KCNH5: variants seen among roughly 807,000 people sequenced by gnomAD.
The protein encoded by KCNH5 is voltage-gated delayed rectifier potassium channel KCNH5.
KCNH5 carries 46 observed loss-of-function variants against 96.1 expected under a neutral mutation model. The ratio of observed to expected loss-of-function variants is 0.48; its 90% CI spans 0.38 to 0.61. KCNH5 has a LOEUF of 0.61. Ranked by LOEUF, KCNH5 falls within the 20% of genes least tolerant of loss-of-function variation. The pLI is 0.00. For missense variants in KCNH5, 907 were observed against 1,225.8 expected (o/e 0.74, Z 3.88); for synonymous variants, 439 against 449.8 (o/e 0.98, Z 0.30).
intron 8 of KCNH5, among the ~76,000 whole-genome samples, chr14:62,803,246 C>T (rs1206919314): frequency 6.6e-6 from 1 of 152,144 alleles, no homozygotes; most frequent in African/African-American, 2.4e-5. Context: ...AGGGCATGAA[C>T]ATTCATTTTA....
At chr14:62,799,947 G>GAGA in intron 9 of KCNH5, among the ~76,000 whole-genome samples, 1 of 148,602 alleles carries the variant, frequency 6.7e-6, no homozygotes, top group East Asian at 2.0e-4. Flanking sequence ...TATCAAAAAT[G>GAGA]AGAAGAAGAA....
At chr14:63,027,737 G>T (rs1003840055) in intron 1 of KCNH5, among the ~76,000 whole-genome samples, 1 of 151,934 alleles carries the variant, frequency 6.6e-6, no homozygotes, top group South Asian at 2.1e-4. Flanking sequence ...TTGGTTGAAT[G>T]AATTGCTAGT....
Position 62,711,399 on chromosome 14 carries a change from G to A in KCNH5, c.2020-2944C>T, listed in dbSNP as rs79211184. On this transcript the variant is annotated intron_variant, in intron 10 of 10. Transcript: ENST00000322893. Reference sequence around the variant, plus strand: ...AGAGCTGGATCTGTATTTTGCTGTCGAGAAATGTAAAAGTAACTGGGAAAG... The same window carrying A: ...AGAGCTGGATCTGTATTTTGCTGTCAAGAAATGTAAAAGTAACTGGGAAAG... Among the ~76,000 whole-genome samples the A allele has an allele frequency of 4.6e-5, 7 of 152,236 alleles. No individual in the cohort carries two copies. In the South Asian group the frequency reaches 1.2e-3, roughly 27 times the overall value.
chr14:62,899,155 A>G (rs1319021971), intron 7 of KCNH5, among the ~76,000 whole-genome samples: 1 of 152,180 alleles, frequency 6.6e-6, no homozygotes, highest in Non-Finnish European at 1.5e-5. Flanking sequence ...ATGTTAACAA[A>G]AAGCACATCA....
chr14:62,787,587 C>T (rs1234948441), intron 9 of KCNH5, among the ~76,000 whole-genome samples: 1 of 151,802 alleles, frequency 6.6e-6, no homozygotes, highest in Non-Finnish European at 1.5e-5. Context: ...AAAGAAGATG[C>T]CATCTGGGAC....
intron 9 of KCNH5, among the ~76,000 whole-genome samples, chr14:62,784,255 C>A (rs1179237679): frequency 6.6e-6 from 1 of 152,184 alleles, no homozygotes; most frequent in African/African-American, 2.4e-5. Context: ...ACCATGAGAA[C>A]AGTATGGGGG....
chr14:62,820,013 G>C (rs553887375), intron 8 of KCNH5, among the ~76,000 whole-genome samples: 2 of 152,250 alleles, frequency 1.3e-5, no homozygotes, highest in South Asian at 4.1e-4. Context: ...TACTATATGG[G>C]GGACATGTAT....
At chr14:62,763,387 CA>C (rs1201609705) in intron 10 of KCNH5, among the ~76,000 whole-genome samples, 1 of 151,466 alleles carries the variant, frequency 6.6e-6, no homozygotes, top group Non-Finnish European at 1.5e-5. Flanking sequence ...ACGCCTAAGG[CA>C]GTGTTAAAAG....
chr14:62,740,296 G>A (rs898057487), intron 10 of KCNH5, among the ~76,000 whole-genome samples: 15 of 152,012 alleles, frequency 9.9e-5, no homozygotes, highest in Non-Finnish European at 1.3e-4. Context: ...TCATCTTTTC[G>A]GTGTCCATCT....
chr14:62,767,793 C>T (rs1333838357), intron 10 of KCNH5, among the ~76,000 whole-genome samples: 1 of 152,116 alleles, frequency 6.6e-6, no homozygotes, highest in African/African-American at 2.4e-5. Flanking sequence ...CAAACCTGTA[C>T]ATGTACCCCC....
chr14:62,730,929 A>G (rs1001400345), intron 10 of KCNH5, among the ~76,000 whole-genome samples: 3 of 152,180 alleles, frequency 2.0e-5, no homozygotes, highest in East Asian at 1.9e-4. Context: ...TAACAAGACT[A>G]TTTTCCACTG....
At chr14:62,748,984 T>C (rs1885439721) in intron 10 of KCNH5, among the ~76,000 whole-genome samples, 1 of 152,194 alleles carries the variant, frequency 6.6e-6, no homozygotes, top group African/African-American at 2.4e-5. Context: ...AGCGTATCAA[T>C]GGCAGAAATA....
chr14:62,954,241 C>A (rs1032194640), intron 6 of KCNH5, among the ~76,000 whole-genome samples: 1 of 152,216 alleles, frequency 6.6e-6, no homozygotes, highest in Non-Finnish European at 1.5e-5. Flanking sequence ...GACATCATCT[C>A]CCTGCCTCTG....
intron 7 of KCNH5, among the ~76,000 whole-genome samples, chr14:62,868,375 ATAAGT>A (rs1888177700): frequency 6.6e-6 from 1 of 152,244 alleles, no homozygotes; most frequent in South Asian, 2.1e-4. Context: ...CAAGTAGGTA[ATAAGT>A]TAGGTAACAA....
At chr14:62,811,467 G>C (rs1886871673) in intron 8 of KCNH5, among the ~76,000 whole-genome samples, 1 of 152,038 alleles carries the variant, frequency 6.6e-6, no homozygotes, top group African/African-American at 2.4e-5. Flanking sequence ...TTACTGGCAT[G>C]TCCCATCTTC....
At chr14:62,769,568 C>T (rs1885942283) in intron 10 of KCNH5, among the ~76,000 whole-genome samples, 1 of 152,184 alleles carries the variant, frequency 6.6e-6, no homozygotes, top group Non-Finnish European at 1.5e-5. Flanking sequence ...CAGGACTGTG[C>T]AGAATTTGCA....
Position 62,972,156 on chromosome 14 carries a change from A to T in KCNH5, c.942+8716T>A, listed in dbSNP as rs573042717. The stretch of plus-strand genomic sequence containing the variant: ...AAAAAGAACTCTTAAAACAACAATT[A>T]AAAAAATGCACAAAAGATCTGAACA... On this transcript the variant is annotated intron_variant, in intron 6 of 10. Transcript: ENST00000322893. Among the ~76,000 whole-genome samples the T allele has an allele frequency of 3.4e-4, 51 of 152,036 alleles. 1 individual carries two copies. Among genetic ancestry groups the T allele is most frequent in the Admixed American group, 1.9e-3 (29 of 15,288 alleles).
At chr14:62,787,297 C>T (rs1886338784) in intron 9 of KCNH5, among the ~76,000 whole-genome samples, 1 of 152,214 alleles carries the variant, frequency 6.6e-6, no homozygotes, top group African/African-American at 2.4e-5. Context: ...ACAACATTCC[C>T]TTACGCCAAA....
intron 7 of KCNH5, among the ~76,000 whole-genome samples, chr14:62,941,850 T>A (rs1015467078): frequency 1.3e-5 from 2 of 152,156 alleles, no homozygotes; most frequent in African/African-American, 4.8e-5. Flanking sequence ...TGTCTGGATA[T>A]CCACCTAGGT....
Sources: gnomAD v4.1 joint callset for allele counts (sites outside exome capture counted in the v4.1 genomes callset) on GRCh38, gnomAD v4.1.1 for gene constraint, MANE v1.5 for transcripts, NCBI Gene and HGNC (gene_info 2026-07-23, HGNC 2026-07-21) for gene names.